The following WWOX variants were observed in gnomAD, a reference collection of about 807,000 sequenced individuals.
WWOX encodes WW domain containing oxidoreductase.
Under a neutral mutation model 46.2 loss-of-function variants are expected in WWOX, and 69 were observed. That is an observed-to-expected ratio of 1.49 (90% CI 1.23 to 1.82). The LOEUF (loss-of-function observed/expected upper bound fraction) is 1.82. WWOX is among the 40% of genes most tolerant of loss of function. The probability of loss-of-function intolerance (pLI) is 0.00; values close to 1 mark genes in which losing one functional copy is unlikely to be tolerated. For synonymous variants in WWOX, 359 were observed against 202.6 expected, an observed-to-expected ratio of 1.77 and a Z score of -6.56; for missense variants, 919 against 542.6, an observed-to-expected ratio of 1.69 and a Z score of -6.89.
intron 8 of WWOX, among the ~76,000 whole-genome samples, chr16:78,681,222 C>G (rs760906290): frequency 2.0e-5 from 3 of 151,944 alleles, no homozygotes; most frequent in Admixed American, 6.6e-5. Context: ...GCCTGGGCAA[C>G]AGAGCAAGAC....
At chr16:78,691,994 T>G (rs953915510) in intron 8 of WWOX, among the ~76,000 whole-genome samples, 1 of 152,214 alleles carries the variant, frequency 6.6e-6, no homozygotes, top group Non-Finnish European at 1.5e-5. Flanking sequence ...TTTTGCTTCT[T>G]CCTCATTTTC....
chr16:79,210,193 A>T (rs975533554), intron 8 of WWOX, among the ~76,000 whole-genome samples: 1 of 152,092 alleles, frequency 6.6e-6, no homozygotes, highest in Non-Finnish European at 1.5e-5. Context: ...TTTCAGACCA[A>T]CTCCATTGTT....
chr16:78,155,626 G>A (rs1425102390), intron 4 of WWOX, among the ~76,000 whole-genome samples: 1 of 152,064 alleles, frequency 6.6e-6, no homozygotes, highest in African/African-American at 2.4e-5. Flanking sequence ...ATATTCTTCC[G>A]AACACACTCT....
intron 8 of WWOX, among the ~76,000 whole-genome samples, chr16:78,958,647 C>G (rs1311631258): frequency 6.6e-6 from 1 of 152,182 alleles, no homozygotes; most frequent in Non-Finnish European, 1.5e-5. Context: ...TGTGGTACAA[C>G]AAAGGTTTCT....
intron 8 of WWOX, among the ~76,000 whole-genome samples, chr16:78,855,087 AC>A (rs35238466): frequency 4.6e-5 from 7 of 151,488 alleles, no homozygotes; most frequent in Admixed American, 1.3e-4. Flanking sequence ...AGTGGGGACC[AC>A]CCCCCAATTA....
At chr16:78,618,000 T>C (rs549759602) in intron 8 of WWOX, among the ~76,000 whole-genome samples, 1 of 152,212 alleles carries the variant, frequency 6.6e-6, no homozygotes, top group African/African-American at 2.4e-5. Context: ...CAATTAGTGT[T>C]TATTGAGCAC....
chr16:78,335,907 CA>C (rs2080878850), intron 5 of WWOX, among the ~76,000 whole-genome samples: 1 of 152,120 alleles, frequency 6.6e-6, no homozygotes, highest in Non-Finnish European at 1.5e-5. Context: ...GCCTTGCCAA[CA>C]TGGTGAAACT....
chr16:78,167,516 A>G (rs975310704), intron 5 of WWOX: 8 of 152,228 alleles, frequency 5.3e-5, no homozygotes, highest in African/African-American at 9.6e-5. Context: ...AAAAAGGAAA[A>G]TGGAACAGAA....
At chr16:79,136,054 C>G (rs1001585688) in intron 8 of WWOX, among the ~76,000 whole-genome samples, 1 of 152,120 alleles carries the variant, frequency 6.6e-6, no homozygotes, top group Non-Finnish European at 1.5e-5. Context: ...TTTCTATATT[C>G]AAATATACTC....
chr16:78,749,178 C>A (rs1157817964), intron 8 of WWOX, among the ~76,000 whole-genome samples: 1 of 152,144 alleles, frequency 6.6e-6, no homozygotes, highest in Non-Finnish European at 1.5e-5. Context: ...ACATGCACTG[C>A]CATGGGGTGA....
chr16:78,488,554 G>A (rs1261574596), intron 8 of WWOX, among the ~76,000 whole-genome samples: 4 of 152,066 alleles, frequency 2.6e-5, no homozygotes, highest in African/African-American at 9.7e-5. Context: ...ACTGCTTTTT[G>A]GCCCTACCTG....
At chr16:78,814,035 T>G (rs73577417) in intron 8 of WWOX, among the ~76,000 whole-genome samples, 40 of 152,304 alleles carry the variant, frequency 2.6e-4, no homozygotes, top group African/African-American at 8.7e-4. Context: ...TTCTTTTCTT[T>G]CCTTGCTGAA....
chr16:78,288,060 A>G (rs1443656852), intron 5 of WWOX, among the ~76,000 whole-genome samples: 1 of 152,168 alleles, frequency 6.6e-6, no homozygotes, highest in Non-Finnish European at 1.5e-5. Context: ...ATTTCTAATG[A>G]ATATTTTTTA....
intron 8 of WWOX, among the ~76,000 whole-genome samples, chr16:78,824,073 A>G (rs2051581617): frequency 6.6e-6 from 1 of 151,904 alleles, no homozygotes; most frequent in African/African-American, 2.4e-5. Context: ...TCCAAATTTT[A>G]TTTTTCTAGT....
chr16:78,582,356 A>T (rs2151590362), intron 8 of WWOX, among the ~76,000 whole-genome samples: 1 of 152,350 alleles, frequency 6.6e-6, no homozygotes, highest in Admixed American at 6.5e-5. Context: ...GTATTAATTT[A>T]GACAAGAATG....
chr16:79,129,025 C>A (rs1051804973), intron 8 of WWOX, among the ~76,000 whole-genome samples: 53 of 152,170 alleles, frequency 3.5e-4, no homozygotes, highest in African/African-American at 1.0e-3. Context: ...AAACAACAGT[C>A]CAAGTTCATT....
chr16:79,052,320 G>T lies in WWOX; in HGVS notation c.1057-159288G>T, dbSNP rs941000038. 3.3e-5 allele frequency among the ~76,000 whole-genome samples: 5 copies of T among 151,952 alleles called. No individual in the cohort carries two copies. In the East Asian group the frequency reaches 9.7e-4, roughly 29 times the overall value. ...TGTTTTGTTCTTGCGATAGTTTACT[G>T]ACAGTGATGATTTCCAATTTCATCC... On this transcript the variant is annotated intron_variant, in intron 8 of 8. Transcript: ENST00000566780.
At chr16:79,142,072 T>C (rs571464704) in intron 8 of WWOX, among the ~76,000 whole-genome samples, 126 of 152,292 alleles carry the variant, frequency 8.3e-4, no homozygotes, top group Non-Finnish European at 1.4e-3. Flanking sequence ...TTTTTCTCCT[T>C]CTTCTCCATC....
At position 78,426,371 on chromosome 16, in the gene WWOX, T is replaced by G. The variant is rs78473880; in HGVS notation, c.791+1316T>G. 4.8e-3 allele frequency among the ~76,000 whole-genome samples: 725 copies of G among 152,218 alleles called. 30 individuals carry two copies. In the East Asian group the frequency reaches 0.1, roughly 21 times the overall value. ...AAATGAGCTGGTATTTAATGGGAGA[T>G]TATGTCGAATTGTCAGCTGCTCACT... is the stretch of plus-strand genomic sequence containing the variant. On this transcript the variant is annotated intron_variant, in intron 7 of 8. Coordinates refer to ENST00000566780, the MANE Select transcript of WWOX (RefSeq NM_016373.4).
Sources: gnomAD v4.1 joint callset for allele counts (sites outside exome capture counted in the v4.1 genomes callset) on GRCh38, gnomAD v4.1.1 for gene constraint, MANE v1.5 for transcripts, NCBI Gene and HGNC (gene_info 2026-07-23, HGNC 2026-07-21) for gene names.